The following PHC2 variants were observed in gnomAD, a reference collection of about 807,000 sequenced individuals.
PHC2 encodes the protein polyhomeotic homolog 2.
PHC2 carries 29 observed loss-of-function variants against 87.4 expected under a neutral mutation model. The ratio of observed to expected loss-of-function variants is 0.33; its 90% CI spans 0.25 to 0.45. PHC2 has a LOEUF of 0.45. Ranked by LOEUF, PHC2 falls within the 20% of genes least tolerant of loss-of-function variation. The probability of loss-of-function intolerance (pLI) is 1.00; values close to 1 mark genes in which losing one functional copy is unlikely to be tolerated. For synonymous variants in PHC2, 438 were observed against 461.7 expected (o/e 0.95, Z 0.66); for missense variants, 857 against 1,136.7 (o/e 0.75, Z 3.54).
chr1:33,346,582 T>A (rs566877646), intron 9 of PHC2: 352 of 985,332 alleles, frequency 3.6e-4, no homozygotes, highest in South Asian at 5.2e-4. Context: ...AGGGAAAAAC[T>A]CTTGGTAAAC....
At position 33,354,436 on chromosome 1, in the gene PHC2, G is replaced by A. The variant is rs1199298203; in HGVS notation, c.1523C>T (p.Pro508Leu). The change falls in exon 9 of 15, where the codon CCC (proline) becomes CTC (leucine). Residue 508 changes from proline (P) to leucine (L), a missense_variant. Physicochemically the swap from Pro to Leu is moderately conservative, Grantham distance 98 (BLOSUM62 -3). Transcript: ENST00000683057. Reference sequence around the variant, plus strand: ...GGACGGCTGGATGTTAGGGCTCGTGGGTACAGGCAGGCCACCAGGCATGGC... The same window carrying A: ...GGACGGCTGGATGTTAGGGCTCGTGAGTACAGGCAGGCCACCAGGCATGGC... ...VTAMPGGLPVPTSPNIQPSPA... is the reference protein window; with the variant it reads ...VTAMPGGLPVLTSPNIQPSPA... 8.1e-6 allele frequency: 13 copies of A among 1,613,870 alleles called. No individual in the cohort carries two copies. In the South Asian group the frequency reaches 1.1e-4, roughly 14 times the overall value.
In PHC2 at chr1:33,349,241, C is replaced by T. The variant is rs1379774731; in HGVS notation, c.1558+5160G>A. On this transcript the variant is annotated intron_variant, in intron 9 of 14. Transcript: ENST00000683057. This position sits in a 1 kb window ranked among gnomAD's most constrained non-coding sequence, Gnocchi z 4.2. Reference sequence around the variant, plus strand: ...ACCACCAATAAAGTACGGCAGATGCCAGCAGTCTCGTCCCCGAACGCACCG... The same window carrying T: ...ACCACCAATAAAGTACGGCAGATGCTAGCAGTCTCGTCCCCGAACGCACCG... 2 of 985,370 alleles carry T rather than the reference C, an allele frequency of 2.0e-6. No homozygotes were observed. Among genetic ancestry groups the T allele is most frequent in the East Asian group, 1.1e-4 (1 of 8,822 alleles). The allele number at this position is 985,370 out of a possible 1,614,324, so 61.0% of individuals were successfully genotyped here.
chr1:33,330,686 C>G (rs1328773662), intron 12 of PHC2, among the ~76,000 whole-genome samples: 2 of 152,190 alleles, frequency 1.3e-5, no homozygotes, highest in Non-Finnish European at 2.9e-5. Context: ...TTCTTCTCTT[C>G]TGGGATTTCA....
intron 9 of PHC2, among the ~76,000 whole-genome samples, chr1:33,344,688 C>T (rs1431306451): frequency 6.6e-6 from 1 of 152,166 alleles, no homozygotes; most frequent in East Asian, 1.9e-4. Flanking sequence ...ACTGAAGCCT[C>T]GACTGTCCAC....
intron 1 of PHC2, among the ~76,000 whole-genome samples, chr1:33,388,490 A>AT (rs1373457723): frequency 6.6e-6 from 1 of 151,696 alleles, no homozygotes; most frequent in Non-Finnish European, 1.5e-5. Context: ...CGCCCAGCTA[A>AT]TTTTTTGTAT....
rs1647178637 is a variant in PHC2 at position 33,360,567 on chromosome 1, A to G, written c.977-5314T>C. Among the ~76,000 whole-genome samples the G allele has an allele frequency of 2.0e-5, 3 of 152,254 alleles. No individual in the cohort carries two copies. The South Asian group carries it at 6.2e-4, about 32-fold the overall frequency. On this transcript the variant is annotated intron_variant, in intron 7 of 14. Coordinates refer to ENST00000683057, the MANE Select transcript of PHC2 (RefSeq NM_001385109.1). The stretch of plus-strand genomic sequence containing the variant: ...CATAGTTGTTAGTATCAAATGGACT[A>G]TTTTGTTTAAACCACAAAGAGATTC...
At position 33,330,105 on chromosome 1, in the gene PHC2, C is replaced by A. The variant is rs1162394641; in HGVS notation, c.2114G>T (p.Ser705Ile). 1 of 1,614,208 alleles carries A rather than the reference C, an allele frequency of 6.2e-7. No individual in the cohort carries two copies. Among genetic ancestry groups the A allele is most frequent in the Non-Finnish European group, 8.5e-7 (1 of 1,180,036 alleles). The change falls in exon 13 of 15, where the codon AGT (serine) becomes ATT (isoleucine). Residue 705 changes from serine (S) to isoleucine (I), a missense_variant. Ser to Ile is a moderately radical substitution (Grantham distance 142, BLOSUM62 -2). This residue lies in a region of PHC2 where 832 missense variants were observed against 1,081.8 expected (regional missense o/e 0.77). Coordinates refer to ENST00000683057, the MANE Select transcript of PHC2 (RefSeq NM_001385109.1). ...THNRRRASKA[S>I]LPPLTKDTKK... is the part of the protein sequence containing the mutation. ...GGTATCCTTGGTAAGTGGTGGCAGACTGGCTTTGCTGGCCCGACGGCGGTT... is the reference window on the plus strand; with the variant it reads ...GGTATCCTTGGTAAGTGGTGGCAGAATGGCTTTGCTGGCCCGACGGCGGTT...
At chr1:33,392,167 G>GCACACACA (rs145325204) in intron 1 of PHC2, among the ~76,000 whole-genome samples, 5 of 150,250 alleles carry the variant, frequency 3.3e-5, no homozygotes, top group African/African-American at 9.8e-5. Context: ...ACACATACGT[G>GCACACACA]CACACACACA....
At chr1:33,338,914 G>A (rs1242437282) in intron 9 of PHC2, among the ~76,000 whole-genome samples, 5 of 152,198 alleles carry the variant, frequency 3.3e-5, no homozygotes, top group South Asian at 2.1e-4. Flanking sequence ...TTTAGTTGAC[G>A]CTGACCACAA....
Position 33,384,066 on chromosome 1 carries a change from A to T in PHC2, c.-54-8473T>A, listed in dbSNP as rs554732228. Among the ~76,000 whole-genome samples the T allele has an allele frequency of 1.4e-4, 22 of 152,346 alleles. No homozygotes were observed. In the South Asian group the frequency reaches 2.9e-3, roughly 20 times the overall value. ...CTAATACTCAACCTGACCAGCCTAA[A>T]AAGGTCAACTGAAACTAATGGTAAA... On this transcript the variant is annotated intron_variant, in intron 1 of 14. Coordinates refer to ENST00000683057, the MANE Select transcript of PHC2 (RefSeq NM_001385109.1).
chr1:33,347,711 G>A, intron 9 of PHC2: 1 of 985,490 alleles, frequency 1.0e-6, no homozygotes, highest in Non-Finnish European at 1.2e-6. Context: ...TCTTCCCTGT[G>A]TGCATGGACG....
intron 3 of PHC2, among the ~76,000 whole-genome samples, chr1:33,371,783 G>C (rs1208464724): frequency 6.6e-6 from 1 of 152,152 alleles, no homozygotes; most frequent in African/African-American, 2.4e-5. Context: ...GGCTATTCTG[G>C]TTCCTGTTTA....
At chr1:33,371,882 A>G (rs1647866869) in intron 3 of PHC2, among the ~76,000 whole-genome samples, 1 of 152,210 alleles carries the variant, frequency 6.6e-6, no homozygotes, top group African/African-American at 2.4e-5. Flanking sequence ...AAGGTACATA[A>G]AATGTTTTTC....
chr1:33,413,831 C>G (rs1650081093), intron 1 of PHC2, among the ~76,000 whole-genome samples: 1 of 152,144 alleles, frequency 6.6e-6, no homozygotes. Context: ...ATGAAAAAAG[C>G]TGTAATTATC....
chr1:33,331,776 T>C lies in PHC2; in HGVS notation c.1892-314A>G, dbSNP rs971135434. 6.2e-5 allele frequency: 20 copies of C among 323,370 alleles called. No individual in the cohort carries two copies. Among genetic ancestry groups the C allele is most frequent in the African/African-American group, 3.8e-4 (18 of 47,416 alleles). The allele number at this position is 323,370 out of a possible 1,614,324, so 20.0% of individuals were successfully genotyped here. A position where few individuals can be genotyped will look rare whatever the true frequency, so the allele number is the denominator to read the frequency against. On this transcript the variant is annotated intron_variant, in intron 11 of 14. Transcript: ENST00000683057. This position sits in a 1 kb window ranked among gnomAD's most constrained non-coding sequence, Gnocchi z 5.2. Reference sequence around the variant, plus strand: ...AAGCAGGAGCCCCCAGGAAATACTCTGGATGCTGTCACAGCTGCTCCGCTG... The same window carrying C: ...AAGCAGGAGCCCCCAGGAAATACTCCGGATGCTGTCACAGCTGCTCCGCTG...
chr1:33,338,967 C>T (rs1200195319), intron 9 of PHC2, among the ~76,000 whole-genome samples: 6 of 152,176 alleles, frequency 3.9e-5, no homozygotes. Flanking sequence ...CAGCATGTTC[C>T]ACGGAGTCTT....
chr1:33,404,398 T>G (rs1570509771), intron 1 of PHC2, among the ~76,000 whole-genome samples: 1 of 152,380 alleles, frequency 6.6e-6, no homozygotes, highest in East Asian at 1.9e-4. Flanking sequence ...TTAGTTTTCC[T>G]ACATAGAGGT....
intron 1 of PHC2, among the ~76,000 whole-genome samples, chr1:33,412,245 T>TTA (rs1233004183): frequency 6.6e-6 from 1 of 152,196 alleles, no homozygotes; most frequent in African/African-American, 2.4e-5. Context: ...ACAAGATACA[T>TTA]TAACACAGAC....
chr1:33,331,147 G>A lies in PHC2; in HGVS notation c.2006+201C>T, dbSNP rs945902045. 2.0e-5 allele frequency among the ~76,000 whole-genome samples: 3 copies of A among 152,180 alleles called. No individual in the cohort carries two copies. The highest frequency in any genetic ancestry group is 4.8e-5 in the African/African-American group (2 of 41,450). On this transcript the variant is annotated intron_variant, in intron 12 of 14. Coordinates refer to ENST00000683057, the MANE Select transcript of PHC2 (RefSeq NM_001385109.1). The surrounding 1 kb of genome is among the most constrained non-coding windows in gnomAD (Gnocchi z 5.2). Reference sequence around the variant, plus strand: ...CACTGCGGCTTTTCCTTGGACTCCCGCTGCTCTCTCCCACCTGCTCTTAGG... The same window carrying A: ...CACTGCGGCTTTTCCTTGGACTCCCACTGCTCTCTCCCACCTGCTCTTAGG...
Sources: allele counts gnomAD v4.1 joint callset (sites outside exome capture counted in the v4.1 genomes callset), GRCh38; gene constraint gnomAD v4.1.1; regional missense constraint gnomAD v4.1.1; non-coding constraint Gnocchi (gnomAD v3.1); transcripts MANE v1.5; gene names NCBI Gene and HGNC (gene_info 2026-07-23, HGNC 2026-07-21).